Variants in MAPK8 observed in about 807,000 individuals in gnomAD.
MAPK8 encodes JUN N-terminal kinase.
In MAPK8, 13 loss-of-function variants were observed where a neutral mutation model predicts 52.9. That is an observed-to-expected ratio of 0.25 (90% CI 0.16 to 0.39). MAPK8 has a LOEUF of 0.39. Ranked by LOEUF, MAPK8 falls within the 10% of genes least tolerant of loss-of-function variation. MAPK8 has a pLI of 1.00. For missense variants in MAPK8, 300 were observed against 519.2 expected, an observed-to-expected ratio of 0.58 and a Z score of 4.10; for synonymous variants, 191 against 169.8, an observed-to-expected ratio of 1.12 and a Z score of -0.97.
At chr10:48,309,606 A>G (rs1841774062) in intron 1 of MAPK8, among the ~76,000 whole-genome samples, 1 of 152,190 alleles carries the variant, frequency 6.6e-6, no homozygotes, top group African/African-American at 2.4e-5. Context: ...CCTTGTGAGG[A>G]TGAGATGTTC....
intron 1 of MAPK8, among the ~76,000 whole-genome samples, chr10:48,359,377 G>C (rs1440700914): frequency 6.6e-6 from 1 of 152,008 alleles, no homozygotes; most frequent in African/African-American, 2.4e-5. Flanking sequence ...GATACATTTA[G>C]TTTTGCCATT....
At chr10:48,403,454 T>G in intron 2 of MAPK8, among the ~76,000 whole-genome samples, 1 of 148,800 alleles carries the variant, frequency 6.7e-6, no homozygotes. Flanking sequence ...TGAGACTCCG[T>G]CTAAAAAAAA....
At chr10:48,334,921 G>A (rs961967447) in intron 1 of MAPK8, among the ~76,000 whole-genome samples, 6 of 152,144 alleles carry the variant, frequency 3.9e-5, no homozygotes, top group Admixed American at 2.0e-4. Context: ...GTACTATGGG[G>A]TTACAATCTT....
At position 48,335,387 on chromosome 10, in the gene MAPK8, G is replaced by A. The variant is rs1277634495; in HGVS notation, c.-50+28566G>A. ...AGTTCTTTGTTTAAAAAGTATAAAG[G>A]AATAGTGATAACCAAAAAGTTTGAC... On this transcript the variant is annotated intron_variant, in intron 1 of 11. Transcript: ENST00000374189. 2.0e-5 allele frequency among the ~76,000 whole-genome samples: 3 copies of A among 151,824 alleles called. No homozygotes were observed. In the East Asian group the frequency reaches 5.8e-4, roughly 29 times the overall value.
chr10:48,396,042 C>T (rs1028669140), intron 1 of MAPK8, among the ~76,000 whole-genome samples: 50 of 151,980 alleles, frequency 3.3e-4, no homozygotes, highest in African/African-American at 1.2e-3. Flanking sequence ...TCTTTTTGAT[C>T]TAGGGCCAGG....
At chr10:48,312,995 C>T (rs1375711601) in intron 1 of MAPK8, among the ~76,000 whole-genome samples, 1 of 152,120 alleles carries the variant, frequency 6.6e-6, no homozygotes, top group Non-Finnish European at 1.5e-5. Flanking sequence ...ATCCTTTGTT[C>T]AAAATCCTTG....
At chr10:48,360,766 A>G (rs1243392042) in intron 1 of MAPK8, among the ~76,000 whole-genome samples, 1 of 152,214 alleles carries the variant, frequency 6.6e-6, no homozygotes, top group Non-Finnish European at 1.5e-5. Flanking sequence ...ACCGAAAAAT[A>G]TGACTGGGAT....
At chr10:48,389,767 G>A (rs1280264598) in intron 1 of MAPK8, among the ~76,000 whole-genome samples, 1 of 152,184 alleles carries the variant, frequency 6.6e-6, no homozygotes, top group African/African-American at 2.4e-5. Context: ...TTGGGTTTGA[G>A]TGGGACAGAT....
chr10:48,392,272 C>A (rs2041666164), intron 1 of MAPK8, among the ~76,000 whole-genome samples: 1 of 152,028 alleles, frequency 6.6e-6, no homozygotes. Context: ...AGACTCTTGC[C>A]TTGAGCTGGT....
intron 1 of MAPK8, among the ~76,000 whole-genome samples, chr10:48,349,685 A>C (rs1564515653): frequency 1.3e-5 from 2 of 152,214 alleles, no homozygotes; most frequent in African/African-American, 2.4e-5. Flanking sequence ...TCTAAAATCG[A>C]CACCCTAACA....
chr10:48,355,426 G>T (rs963523041), intron 1 of MAPK8, among the ~76,000 whole-genome samples: 7 of 149,962 alleles, frequency 4.7e-5, no homozygotes, highest in African/African-American at 1.7e-4. Flanking sequence ...GGAGAATGGC[G>T]TGAACCCAGG....
chr10:48,426,068 A>C lies in MAPK8; in HGVS notation c.869A>C (p.Lys290Thr). The change falls in exon 8 of 12, where the codon AAA becomes ACA. Residue 290 changes from lysine to threonine, a missense_variant and splice_region_variant. Transcript: ENST00000374189. The part of the protein sequence containing the change: ...FPADSEHNKL[K>T]ASQARDLLSK... ...GCTGACTCAGAACACAACAAACTTA[A>C]AGGTACTTTTTACAAATATGTACAT... is the stretch of plus-strand genomic sequence containing the variant. 1 of 1,606,732 alleles carries C rather than the reference A, an allele frequency of 6.2e-7. No individual in the cohort carries two copies. Among genetic ancestry groups the C allele is most frequent in the Non-Finnish European group, 8.5e-7 (1 of 1,176,470 alleles).
intron 6 of MAPK8, 106 bp from the exon 7 acceptor site, chr10:48,423,981 CT>C (rs2043518607): frequency 3.1e-6 from 2 of 645,270 alleles, no homozygotes; most frequent in South Asian, 6.2e-5. Context: ...CACTTTTTTT[CT>C]TTTCGTGACG....
At chr10:48,388,629 C>T (rs142927989) in intron 1 of MAPK8, among the ~76,000 whole-genome samples, 112 of 152,274 alleles carry the variant, frequency 7.4e-4, no homozygotes, top group African/African-American at 2.6e-3. Flanking sequence ...AGATAACCCA[C>T]ACTCTTATCT....
chr10:48,420,414 T>A, intron 6 of MAPK8, 94 bp downstream of exon 6: 1 of 1,144,034 alleles, frequency 8.7e-7, no homozygotes, highest in Non-Finnish European at 1.2e-6. Context: ...AGAAGTACGT[T>A]GAGTTAAATG....
At chr10:48,392,657 A>G (rs992097432) in intron 1 of MAPK8, among the ~76,000 whole-genome samples, 8 of 151,524 alleles carry the variant, frequency 5.3e-5, no homozygotes, top group African/African-American at 1.9e-4. Context: ...TCATTCCCCC[A>G]TTCTCACTCT....
chr10:48,323,851 CT>C (rs1342604066), intron 1 of MAPK8, among the ~76,000 whole-genome samples: 1 of 152,140 alleles, frequency 6.6e-6, no homozygotes, highest in African/African-American at 2.4e-5. Context: ...GATGCCCTCT[CT>C]TTTTTGGCTC....
At chr10:48,398,400 C>A (rs1298376855) in intron 1 of MAPK8, among the ~76,000 whole-genome samples, 1 of 152,066 alleles carries the variant, frequency 6.6e-6, no homozygotes, top group African/African-American at 2.4e-5. Flanking sequence ...TAAATGTAAA[C>A]CACCATGAAA....
In MAPK8 at chr10:48,427,065, C is replaced by A; in HGVS notation, c.997-15C>A. Reference sequence around the variant, plus strand: ...CAGCATACTGACTTGGTTATTATTGCCTTGTGTTTTTCAGCCACCACCAAA... The same window carrying A: ...CAGCATACTGACTTGGTTATTATTGACTTGTGTTTTTCAGCCACCACCAAA... On this transcript the variant is annotated splice_polypyrimidine_tract_variant and intron_variant, in intron 9 of 11. Transcript: ENST00000374189. The A allele has an allele frequency of 6.2e-7, 1 of 1,607,492 alleles. No individual in the cohort carries two copies. The highest frequency in any genetic ancestry group is 1.1e-5 in the South Asian group (1 of 90,886).
Sources: allele counts gnomAD v4.1 joint callset (sites outside exome capture counted in the v4.1 genomes callset), GRCh38; gene constraint gnomAD v4.1.1; transcripts MANE v1.5; gene names NCBI Gene and HGNC (gene_info 2026-07-23, HGNC 2026-07-21).